The following KANK1 variants were observed in gnomAD, a reference collection of about 807,000 sequenced individuals.
KANK1 encodes the protein KN motif and ankyrin repeat domain-containing protein 1.
In KANK1, 109 loss-of-function variants were observed where a neutral mutation model predicts 106.2. The observed-to-expected ratio is 1.03, with a 90% CI of 0.88 to 1.20. KANK1 has a LOEUF of 1.20. KANK1 is among the 50% of genes most tolerant of loss of function. KANK1 has a pLI of 0.00. For missense variants in KANK1, 2,399 were observed against 1,710.7 expected, an observed-to-expected ratio of 1.40 and a Z score of -7.10; for synonymous variants, 873 against 652.2, an observed-to-expected ratio of 1.34 and a Z score of -5.16.
chr9:482,627 G>A (rs1241861328), intron 3 of KANK1, among the ~76,000 whole-genome samples: 3 of 152,218 alleles, frequency 2.0e-5, no homozygotes, highest in Non-Finnish European at 4.4e-5. Flanking sequence ...ACAATCACAT[G>A]TGGTTGACGG....
chr9:488,653 G>C (rs573502372), intron 3 of KANK1, among the ~76,000 whole-genome samples: 21 of 152,334 alleles, frequency 1.4e-4, no homozygotes, highest in African/African-American at 4.3e-4. Flanking sequence ...CAAAAATGCT[G>C]CATACAGACA....
chr9:514,868 C>G (rs1451400466), intron 1 of KANK1, among the ~76,000 whole-genome samples: 1 of 151,676 alleles, frequency 6.6e-6, no homozygotes, highest in Non-Finnish European at 1.5e-5. Flanking sequence ...GTGGTTTTAT[C>G]AAGCGGTATT....
intron 1 of KANK1, among the ~76,000 whole-genome samples, chr9:528,136 C>CG (rs201448690): frequency 2.1e-5 from 3 of 141,856 alleles, no homozygotes; most frequent in African/African-American, 5.3e-5. Flanking sequence ...GACTCCGTCT[C>CG]GGGAAAAAAA....
At chr9:575,983 A>T (rs1175027139) in intron 1 of KANK1, among the ~76,000 whole-genome samples, 1 of 152,256 alleles carries the variant, frequency 6.6e-6, no homozygotes, top group Non-Finnish European at 1.5e-5. Flanking sequence ...AGATTGTGCC[A>T]CTGGACTCCA....
At chr9:671,615 C>CAAAAAAAAAAAAAAAAA (rs566979038) in intron 1 of KANK1, among the ~76,000 whole-genome samples, 6 of 55,736 alleles carry the variant, frequency 1.1e-4, no homozygotes, top group African/African-American at 2.8e-4. Flanking sequence ...AACTCCGTCT[C>CAAAAAAAAAAAAAAAAA]AAAAAAAAAA....
At chr9:477,342 A>G (rs147249015) in intron 3 of KANK1, among the ~76,000 whole-genome samples, 4 of 152,212 alleles carry the variant, frequency 2.6e-5, no homozygotes, top group Non-Finnish European at 5.9e-5. Flanking sequence ...TGATTTCCAA[A>G]TTTGAGTTCC....
At chr9:536,953 C>T (rs556153319) in intron 1 of KANK1, among the ~76,000 whole-genome samples, 2 of 152,166 alleles carry the variant, frequency 1.3e-5, no homozygotes, top group African/African-American at 4.8e-5. Flanking sequence ...TGGCAGCACG[C>T]ACCTTGCAGG....
rs762190490 is a variant in KANK1 at position 713,262 on chromosome 9, GCTGCTGGCAGAACAGCAGACA to G, written c.2505_2525del (p.Gln837_Glu843del). 5.5e-5 allele frequency: 89 copies of G among 1,612,016 alleles called. 1 individual carries two copies. Among genetic ancestry groups the G allele is most frequent in the Middle Eastern group, 1.7e-4 (1 of 6,060 alleles). ...ATCACTACATTGAGCGTATCCAGAA[GCTGCTGGCAGAACAGCAGACA>G]CTGCTGGCTGAGAACTACAGTGAAC... On this transcript the variant is annotated inframe_deletion, in exon 3 of 12. Transcript: ENST00000382297.
At chr9:687,598 C>T (rs1818865170) in intron 2 of KANK1, among the ~76,000 whole-genome samples, 1 of 152,054 alleles carries the variant, frequency 6.6e-6, no homozygotes, top group African/African-American at 2.4e-5. Flanking sequence ...TGTTGCCCAG[C>T]CCCACCCTGC....
intron 1 of KANK1, among the ~76,000 whole-genome samples, chr9:602,701 T>C (rs1828069821): frequency 6.6e-6 from 1 of 151,926 alleles, no homozygotes; most frequent in African/African-American, 2.4e-5. Flanking sequence ...TTTGTCCTTA[T>C]AATTTTATGT....
intron 1 of KANK1, among the ~76,000 whole-genome samples, chr9:516,393 A>G (rs1423061988): frequency 6.6e-6 from 1 of 151,754 alleles, no homozygotes; most frequent in African/African-American, 2.4e-5. Flanking sequence ...CAGCTCTGGC[A>G]TGAAACAGTT....
At chr9:608,030 TATTA>T (rs1451810275) in intron 1 of KANK1, among the ~76,000 whole-genome samples, 33 of 71,528 alleles carry the variant, frequency 4.6e-4, no homozygotes, top group East Asian at 2.0e-3. Context: ...TTATTATTAT[TATTA>T]TTTTTTTTTT....
At chr9:610,713 A>G (rs1200638613) in intron 1 of KANK1, among the ~76,000 whole-genome samples, 1 of 152,142 alleles carries the variant, frequency 6.6e-6, no homozygotes, top group African/African-American at 2.4e-5. Context: ...CAGGAACTGG[A>G]GGCATAGCTA....
chr9:667,766 A>C (rs1159610628), intron 1 of KANK1, among the ~76,000 whole-genome samples: 12 of 137,232 alleles, frequency 8.7e-5, no homozygotes, highest in Non-Finnish European at 1.8e-4. Context: ...TTTGAGATGG[A>C]GTCTCCCTCT....
rs185846675 is a variant in KANK1, at chr9:703,437, C to A, written c.38-7367C>A. Among the ~76,000 whole-genome samples the A allele has an allele frequency of 4.8e-4, 73 of 152,166 alleles. 1 individual carries two copies. The highest frequency in any genetic ancestry group is 1.6e-3 in the African/African-American group (66 of 41,520). On this transcript the variant is annotated intron_variant, in intron 2 of 11. Coordinates refer to ENST00000382297, the MANE Select transcript of KANK1 (RefSeq NM_015158.5). ...CACTGAATAGGACCATTTTCTGTAG[C>A]CAATTAAGCTTTCAATAAATGTTTA... is the stretch of plus-strand genomic sequence containing the variant.
intron 10 of KANK1, among the ~76,000 whole-genome samples, chr9:743,532 G>C (rs141674356): frequency 6.2e-4 from 94 of 152,302 alleles, no homozygotes; most frequent in African/African-American, 2.1e-3. Context: ...AGAGAACTGT[G>C]TCCTGCTGCT....
chr9:531,737 C>G (rs767302234), intron 1 of KANK1, among the ~76,000 whole-genome samples: 1 of 152,178 alleles, frequency 6.6e-6, no homozygotes, highest in Non-Finnish European at 1.5e-5. Flanking sequence ...CTGTAGTGAA[C>G]CAGAGACCAT....
chr9:603,655 T>C (rs2804298), intron 1 of KANK1, among the ~76,000 whole-genome samples: 53,703 of 151,484 alleles, frequency 0.35, 11,748 homozygotes, highest in South Asian at 0.56. Context: ...TTTGAATTTT[T>C]CTCTTCTAAA....
chr9:626,695 C>G (rs902829093), intron 1 of KANK1, among the ~76,000 whole-genome samples: 2 of 152,084 alleles, frequency 1.3e-5, no homozygotes, highest in Non-Finnish European at 2.9e-5. Flanking sequence ...AAAGGAGAAA[C>G]AAAAAACAAA....
Sources: gnomAD v4.1 joint callset for allele counts (sites outside exome capture counted in the v4.1 genomes callset) on GRCh38, gnomAD v4.1.1 for gene constraint, MANE v1.5 for transcripts, NCBI Gene and HGNC (gene_info 2026-07-23, HGNC 2026-07-21) for gene names.